The following CDC20B variants were observed in gnomAD, a reference collection of about 807,000 sequenced individuals.
The protein encoded by CDC20B is cell division cycle 20B.
In CDC20B, 58 loss-of-function variants were observed where a neutral mutation model predicts 64.1. That is an observed-to-expected ratio of 0.90 (90% CI 0.73 to 1.13). The LOEUF is 1.13. CDC20B is among the 50% of genes most tolerant of loss of function. The pLI, the probability that CDC20B is intolerant of heterozygous loss-of-function variation, is 0.00. For missense variants in CDC20B, 597 were observed against 633.0 expected, an observed-to-expected ratio of 0.94 and a Z score of 0.61; for synonymous variants, 243 against 230.6, an observed-to-expected ratio of 1.05 and a Z score of -0.49.
At chr5:55,160,603 G>A in intron 2 of CDC20B, 2 of 545,950 alleles carry the variant, frequency 3.7e-6, no homozygotes. Context: ...TCTTTAAAAT[G>A]CTTTAATTTT....
chr5:55,134,730 G>A (rs1315791588), intron 5 of CDC20B, among the ~76,000 whole-genome samples: 2 of 151,918 alleles, frequency 1.3e-5, no homozygotes, highest in Non-Finnish European at 2.9e-5. Flanking sequence ...GTGAGGTTCT[G>A]TCTCTAAAAA....
chr5:55,145,909 G>A (rs1743460581), intron 3 of CDC20B, among the ~76,000 whole-genome samples: 1 of 150,150 alleles, frequency 6.7e-6, no homozygotes, highest in African/African-American at 2.5e-5. Context: ...CATTACTAAC[G>A]CATAATTTTT....
intron 5 of CDC20B, among the ~76,000 whole-genome samples, chr5:55,133,957 T>C (rs1743093033): frequency 6.6e-6 from 1 of 152,190 alleles, no homozygotes; most frequent in Non-Finnish European, 1.5e-5. Context: ...ATTGATTCGT[T>C]GATTTTAGCT....
In CDC20B at chr5:55,172,593, C is replaced by A; in HGVS notation, c.121G>T (p.Ala41Ser). 6.2e-7 allele frequency: 1 copy of A among 1,611,912 alleles called. No individual in the cohort carries two copies. Among genetic ancestry groups the A allele is most frequent in the South Asian group, 1.1e-5 (1 of 91,020 alleles). Residue 41 changes from alanine (A) to serine (S), a missense_variant, in exon 2 of 12, where the codon GCC becomes TCC. Ala to Ser is a moderately conservative substitution (Grantham distance 99). Around this residue, in one of 3 missense-constraint regions of CDC20B, gnomAD observed 241 missense variants for 219.2 expected, o/e 1.10. Coordinates refer to ENST00000381375, the MANE Select transcript of CDC20B (RefSeq NM_001170402.1). Reference sequence around the variant, plus strand: ...AGAACAAGCCCTGGACTCACGTTGGCGGAATCTTGACTTCTCTTCTGCTTC... The same window carrying A: ...AGAACAAGCCCTGGACTCACGTTGGAGGAATCTTGACTTCTCTTCTGCTTC... The part of the protein sequence containing the change: ...DLKQKRSQDS[A>S]NVLDSVNATY...
Position 55,172,641 on chromosome 5 carries a change from T to G in CDC20B, c.73A>C (p.Met25Leu). ...TTCAAGTCTTTGGAGAGCACACGCA[T>G]GATACTTTCCTTTGAAAACACAGAT... ...TEEEMLWESIMRVLSKDLKQK... is the reference protein window; with the variant it reads ...TEEEMLWESILRVLSKDLKQK... Residue 25 changes from methionine (M) to leucine (L), a missense_variant, in exon 2 of 12, where the codon ATG becomes CTG. By Grantham distance (15) the Met-to-Leu change is conservative (BLOSUM62 2). This residue lies in a region of CDC20B where 241 missense variants were observed against 219.2 expected (regional missense o/e 1.10). Coordinates refer to ENST00000381375, the MANE Select transcript of CDC20B (RefSeq NM_001170402.1). 6.2e-7 allele frequency: 1 copy of G among 1,611,794 alleles called. No homozygotes were observed. The highest frequency in any genetic ancestry group is 1.3e-5 in the African/African-American group (1 of 74,994).
chr5:55,121,116 C>T (rs1742743618), intron 9 of CDC20B, among the ~76,000 whole-genome samples: 1 of 152,126 alleles, frequency 6.6e-6, no homozygotes, highest in African/African-American at 2.4e-5. Flanking sequence ...TAGTATCACA[C>T]ATTTATATTG....
At chr5:55,140,018 A>AAAAAAGTCATGAC (rs1743288080) in intron 5 of CDC20B, among the ~76,000 whole-genome samples, 1 of 152,094 alleles carries the variant, frequency 6.6e-6, no homozygotes, top group Non-Finnish European at 1.5e-5. Flanking sequence ...CACCAAAAAC[A>AAAAAAGTCATGAC]AAAAAGTCAT....
chr5:55,115,559 C>A (rs1267086410), intron 11 of CDC20B, among the ~76,000 whole-genome samples: 1 of 152,142 alleles, frequency 6.6e-6, no homozygotes, highest in East Asian at 1.9e-4. Flanking sequence ...ATAGGTGAAG[C>A]TGACTCTATG....
At chr5:55,140,657 T>G (rs1288592040) in intron 4 of CDC20B, among the ~76,000 whole-genome samples, 1 of 152,230 alleles carries the variant, frequency 6.6e-6, no homozygotes, top group Non-Finnish European at 1.5e-5. Flanking sequence ...AGGTATTTTT[T>G]GGCTAGAATA....
At chr5:55,171,691 C>T (rs1033752718) in intron 2 of CDC20B, among the ~76,000 whole-genome samples, 19 of 152,110 alleles carry the variant, frequency 1.2e-4, no homozygotes, top group Non-Finnish European at 5.9e-5. Flanking sequence ...CAGCCTTGAA[C>T]GCCTGGGCTC....
intron 5 of CDC20B, among the ~76,000 whole-genome samples, chr5:55,133,732 A>T (rs1021086729): frequency 6.6e-6 from 1 of 152,138 alleles, no homozygotes; most frequent in African/African-American, 2.4e-5. Context: ...GAAGATTAAA[A>T]TTTTTTTCAA....
In CDC20B at chr5:55,173,063, C is replaced by T; in HGVS notation, c.-63G>A. The T allele has an allele frequency of 2.0e-6, 3 of 1,463,834 alleles. No homozygotes were observed. The South Asian group carries it at 3.6e-5, about 18-fold the overall frequency. The allele number at this position is 1,463,834 out of a possible 1,614,324, so 90.7% of individuals were successfully genotyped here. On this transcript the variant is annotated 5_prime_UTR_variant, in exon 1 of 12. Coordinates refer to ENST00000381375, the MANE Select transcript of CDC20B (RefSeq NM_001170402.1). ...CTGCTCGACTGCCTCTGGTTTTCTT[C>T]CCAGGTCTAAGTCAGTCTTGACGCC...
At chr5:55,172,495 A>G (rs1744634064) in intron 2 of CDC20B, 93 bp downstream of exon 2, 1 of 1,017,648 alleles carries the variant, frequency 9.8e-7, no homozygotes, top group Non-Finnish European at 1.5e-6. Context: ...TTTTCAGACC[A>G]GCTCAAACTT....
chr5:55,135,550 T>C (rs527463020), intron 5 of CDC20B, among the ~76,000 whole-genome samples: 1 of 152,254 alleles, frequency 6.6e-6, no homozygotes, highest in East Asian at 1.9e-4. Context: ...AGGCCTGAAA[T>C]TTTGTGCCTA....
intron 9 of CDC20B, among the ~76,000 whole-genome samples, chr5:55,123,880 T>C (rs955912378): frequency 1.4e-4 from 21 of 152,194 alleles, no homozygotes; most frequent in Non-Finnish European, 2.2e-4. Context: ...GCCAGGAATA[T>C]TGGGCCAGTA....
intron 7 of CDC20B, among the ~76,000 whole-genome samples, chr5:55,127,614 A>AT (rs1264932501): frequency 6.6e-6 from 1 of 152,190 alleles, no homozygotes; most frequent in African/African-American, 2.4e-5. Context: ...GGTGAATTCA[A>AT]TGTGCAGCCA....
intron 6 of CDC20B, among the ~76,000 whole-genome samples, chr5:55,128,969 T>C (rs1742963526): frequency 6.6e-6 from 1 of 152,194 alleles, no homozygotes; most frequent in African/African-American, 2.4e-5. Flanking sequence ...GAGACACTCT[T>C]GGACCTAGGA....
At position 55,124,824 on chromosome 5, in the gene CDC20B, T is replaced by A. The variant is rs1265587524; in HGVS notation, c.1194A>T (p.Ile398=). Residue 398 remains isoleucine (I), a synonymous_variant, in exon 9 of 12, where the codon ATA becomes ATT. Transcript: ENST00000381375. ...TTACCTTGACTGCCGTAGACTGGGT[T>A]ATGACTTTCAGCGGTTGGCCCTGTG... ...ASAQGQPLKV[I]TQSTAVKAMD... is the part of the protein sequence containing the mutation. The A allele has an allele frequency of 6.2e-7, 1 of 1,614,116 alleles. No homozygotes were observed. Among genetic ancestry groups the A allele is most frequent in the South Asian group, 1.1e-5 (1 of 91,090 alleles).
intron 2 of CDC20B, among the ~76,000 whole-genome samples, chr5:55,168,646 T>C (rs1379471579): frequency 6.6e-6 from 1 of 152,096 alleles, no homozygotes; most frequent in African/African-American, 2.4e-5. Flanking sequence ...TTATTGAATA[T>C]AAAGTTGGTT....
Sources: gnomAD v4.1 joint callset for allele counts (sites outside exome capture counted in the v4.1 genomes callset) on GRCh38, gnomAD v4.1.1 for gene constraint, gnomAD v4.1.1 regional missense constraint, MANE v1.5 for transcripts, NCBI Gene and HGNC (gene_info 2026-07-23, HGNC 2026-07-21) for gene names.